VAV3: variants seen among roughly 807,000 people sequenced by gnomAD.
The protein encoded by VAV3 is guanine nucleotide exchange factor VAV3.
In VAV3, 94 loss-of-function variants were observed where a neutral mutation model predicts 131.2. The ratio of observed to expected loss-of-function variants is 0.72; its 90% CI spans 0.61 to 0.85. VAV3 has a LOEUF of 0.85. VAV3 is among the 40% of genes least tolerant of loss of function. The probability of loss-of-function intolerance (pLI) is 0.00; values close to 1 mark genes in which losing one functional copy is unlikely to be tolerated. For synonymous variants in VAV3, 349 were observed against 342.0 expected (o/e 1.02, Z -0.22); for missense variants, 939 against 1,002.7 (o/e 0.94, Z 0.86).
chr1:107,593,558 C>A (rs1438821494), intron 25 of VAV3, among the ~76,000 whole-genome samples: 1 of 151,966 alleles, frequency 6.6e-6, no homozygotes, highest in Non-Finnish European at 1.5e-5. Context: ...TAATGCTTGG[C>A]AAATGTTATT....
At chr1:107,876,003 T>C (rs1458963343) in intron 1 of VAV3, among the ~76,000 whole-genome samples, 1 of 152,014 alleles carries the variant, frequency 6.6e-6, no homozygotes, top group African/African-American at 2.4e-5. Flanking sequence ...GACTGTGGAA[T>C]AGAGCAAAGA....
At chr1:107,678,404 T>G (rs186101538) in intron 19 of VAV3, among the ~76,000 whole-genome samples, 1 of 152,278 alleles carries the variant, frequency 6.6e-6, no homozygotes, top group East Asian at 1.9e-4. Flanking sequence ...ACTTTACTAT[T>G]TATTATAGAC....
chr1:107,853,072 T>C (rs1487234123), intron 2 of VAV3, among the ~76,000 whole-genome samples: 1 of 152,232 alleles, frequency 6.6e-6, no homozygotes, highest in Non-Finnish European at 1.5e-5. Flanking sequence ...TCACTCATAT[T>C]AATAAGTGTA....
intron 17 of VAV3, among the ~76,000 whole-genome samples, chr1:107,695,672 C>T (rs1334531382): frequency 1.3e-5 from 2 of 152,076 alleles, no homozygotes; most frequent in Non-Finnish European, 2.9e-5. Flanking sequence ...GTTTCATGCA[C>T]AGATGGACCT....
chr1:107,731,710 T>C (rs543554821), intron 15 of VAV3, among the ~76,000 whole-genome samples: 3 of 152,248 alleles, frequency 2.0e-5, no homozygotes, highest in African/African-American at 7.2e-5. Flanking sequence ...CCGTCCCTCA[T>C]CACAAGAGGC....
chr1:107,701,822 C>G (rs1348731503), intron 17 of VAV3, among the ~76,000 whole-genome samples: 1 of 152,168 alleles, frequency 6.6e-6, no homozygotes, highest in Admixed American at 6.5e-5. Context: ...AGTTCCTCAT[C>G]TCCATTTGGG....
intron 15 of VAV3, among the ~76,000 whole-genome samples, chr1:107,727,675 A>AT (rs1661934435): frequency 6.6e-6 from 1 of 152,252 alleles, no homozygotes; most frequent in African/African-American, 2.4e-5. Flanking sequence ...AGCTAGCCAT[A>AT]TTTTAAATTA....
At chr1:107,953,583 G>A (rs1024408684) in intron 1 of VAV3, among the ~76,000 whole-genome samples, 7 of 152,116 alleles carry the variant, frequency 4.6e-5, no homozygotes, top group Admixed American at 1.3e-4. Context: ...GTAAGTATCC[G>A]CTGCTATTGC....
intron 2 of VAV3, among the ~76,000 whole-genome samples, chr1:107,843,637 G>A (rs911812955): frequency 2.6e-4 from 40 of 151,754 alleles, no homozygotes; most frequent in African/African-American, 7.5e-4. Context: ...CCACATTACC[G>A]AGGAATATTC....
intron 1 of VAV3, among the ~76,000 whole-genome samples, chr1:107,949,417 C>A (rs1371261640): frequency 3.3e-5 from 5 of 152,154 alleles, no homozygotes; most frequent in East Asian, 1.9e-4. Context: ...CTCAAGAGAT[C>A]CTTCCACGTC....
At chr1:107,866,179 C>A (rs1394428257) in intron 2 of VAV3, among the ~76,000 whole-genome samples, 9 of 152,158 alleles carry the variant, frequency 5.9e-5, no homozygotes, top group Admixed American at 5.9e-4. Context: ...GCATACTTTC[C>A]TTTCTTTCCT....
intron 12 of VAV3, among the ~76,000 whole-genome samples, chr1:107,754,968 T>C (rs1301071863): frequency 6.6e-6 from 1 of 152,138 alleles, no homozygotes; most frequent in African/African-American, 2.4e-5. Flanking sequence ...CTAATCTCAA[T>C]ATGGCATTTT....
intron 15 of VAV3, among the ~76,000 whole-genome samples, chr1:107,709,010 A>T (rs1660620391): frequency 6.6e-6 from 1 of 152,064 alleles, no homozygotes; most frequent in Non-Finnish European, 1.5e-5. Flanking sequence ...TAATATAGAC[A>T]CACTAGAAAA....
intron 2 of VAV3, among the ~76,000 whole-genome samples, chr1:107,800,949 T>C (rs369667622): frequency 1.9e-4 from 29 of 152,326 alleles, no homozygotes; most frequent in African/African-American, 7.0e-4. Flanking sequence ...AGTTTCACAA[T>C]TTCAAGTCTT....
chr1:107,852,188 T>A (rs999667080), intron 2 of VAV3, among the ~76,000 whole-genome samples: 10 of 152,178 alleles, frequency 6.6e-5, no homozygotes, highest in Non-Finnish European at 1.5e-4. Context: ...TCAATGGGAC[T>A]ATATATTTTT....
chr1:107,751,801 A>T (rs111333369), intron 12 of VAV3, among the ~76,000 whole-genome samples: 1 of 152,206 alleles, frequency 6.6e-6, no homozygotes, highest in South Asian at 2.1e-4. Flanking sequence ...CTGATAACTA[A>T]ATTATTTTTA....
intron 25 of VAV3, among the ~76,000 whole-genome samples, chr1:107,588,376 G>A (rs1488849696): frequency 2.0e-5 from 3 of 152,196 alleles, no homozygotes; most frequent in East Asian, 1.9e-4. Flanking sequence ...GGAAACCAAA[G>A]TATCAGGGAA....
At chr1:107,870,863 T>C (rs1670220851) in intron 2 of VAV3, among the ~76,000 whole-genome samples, 1 of 152,156 alleles carries the variant, frequency 6.6e-6, no homozygotes, top group Non-Finnish European at 1.5e-5. Flanking sequence ...CTGTGTGTCA[T>C]GGGAAGCAGG....
At chr1:107,637,878 C>T (rs1391408237) in intron 20 of VAV3, among the ~76,000 whole-genome samples, 1 of 152,082 alleles carries the variant, frequency 6.6e-6, no homozygotes, top group African/African-American at 2.4e-5. Context: ...TATATAATTG[C>T]CACTTGGGAT....
Sources: allele counts gnomAD v4.1 joint callset (sites outside exome capture counted in the v4.1 genomes callset), GRCh38; gene constraint gnomAD v4.1.1; transcripts MANE v1.5; gene names NCBI Gene and HGNC (gene_info 2026-07-23, HGNC 2026-07-21).